The following TSEN2 variants were observed in gnomAD, a reference collection of about 807,000 sequenced individuals.
The protein encoded by TSEN2 is tRNA-splicing endonuclease subunit Sen2.
A neutral mutation model predicts 59.2 loss-of-function variants in TSEN2; 54 were observed. That is an observed-to-expected ratio of 0.91 (90% CI 0.73 to 1.14). The LOEUF (loss-of-function observed/expected upper bound fraction) is 1.14, where lower values mean the gene tolerates loss of function less well. Ranked by LOEUF, TSEN2 falls within the 50% of genes most tolerant of loss-of-function variation. The pLI, the probability that TSEN2 is intolerant of heterozygous loss-of-function variation, is 0.00. For synonymous variants in TSEN2, 195 were observed against 198.2 expected (o/e 0.98, Z 0.14); for missense variants, 636 against 576.2 (o/e 1.10, Z -1.06).
At chr3:12,517,057 C>T (rs904541537) in intron 7 of TSEN2, among the ~76,000 whole-genome samples, 2 of 152,058 alleles carry the variant, frequency 1.3e-5, no homozygotes, top group African/African-American at 2.4e-5. Flanking sequence ...TTAGAATTTG[C>T]AGATAAGGGG....
chr3:12,486,756 C>T (rs114321532), intron 1 of TSEN2, among the ~76,000 whole-genome samples: 1,928 of 152,300 alleles, frequency 0.013, 45 homozygotes, highest in African/African-American at 0.043. Context: ...AACTGGTAAT[C>T]TGTCTCTATG....
chr3:12,526,344 G>A (rs1400199685), intron 8 of TSEN2, among the ~76,000 whole-genome samples: 2 of 152,070 alleles, frequency 1.3e-5, no homozygotes, highest in Admixed American at 1.3e-4. Context: ...AGGTATACGG[G>A]TTTTCTCTTT....
chr3:12,487,013 T>C (rs1045922394), intron 1 of TSEN2, among the ~76,000 whole-genome samples: 9 of 152,252 alleles, frequency 5.9e-5, no homozygotes, highest in African/African-American at 2.2e-4. Context: ...TACAAATTTT[T>C]CCATGAACAT....
intron 7 of TSEN2, among the ~76,000 whole-genome samples, chr3:12,517,617 T>C (rs1346541611): frequency 6.6e-6 from 1 of 152,172 alleles, no homozygotes; most frequent in Non-Finnish European, 1.5e-5. Context: ...GTTTGGCTCT[T>C]GGGAGCACAT....
chr3:12,480,887 G>A (rs543352565), upstream of TSEN2, among the ~76,000 whole-genome samples: 14 of 152,236 alleles, frequency 9.2e-5, no homozygotes, highest in African/African-American at 2.9e-4. Flanking sequence ...CAGATTAAAA[G>A]AGCATAAGCC....
At chr3:12,524,275 T>C (rs2056902059) in intron 8 of TSEN2, among the ~76,000 whole-genome samples, 1 of 152,234 alleles carries the variant, frequency 6.6e-6, no homozygotes, top group Admixed American at 6.5e-5. Context: ...TTATTATATC[T>C]ACCTTTTAGT....
At chr3:12,529,514 T>C (rs1398565216) in intron 9 of TSEN2, among the ~76,000 whole-genome samples, 1 of 152,054 alleles carries the variant, frequency 6.6e-6, no homozygotes, top group Admixed American at 6.5e-5. Context: ...TAAACAGTTG[T>C]GTGAATTTAC....
At chr3:12,519,287 A>G (rs1575412762) in intron 8 of TSEN2, 90 bp downstream of exon 8, 10 of 1,543,740 alleles carry the variant, frequency 6.5e-6, no homozygotes, top group Non-Finnish European at 9.0e-6. Context: ...GCTGTTGATG[A>G]TGTTTTCTAA....
chr3:12,530,846 C>A (rs954767788), intron 10 of TSEN2: 1 of 768,204 alleles, frequency 1.3e-6, no homozygotes. Context: ...TTCTTCTCAT[C>A]ATTTCAAGAA....
At chr3:12,516,444 A>ATG (rs1289799497) in intron 6 of TSEN2, among the ~76,000 whole-genome samples, 167 bp from the exon 7 acceptor site, 18 of 51,630 alleles carry the variant, frequency 3.5e-4, no homozygotes, top group African/African-American at 1.1e-3. Flanking sequence ...CAAACAAAAT[A>ATG]TATGTGTGTG....
Position 12,519,061 on chromosome 3 carries a change from G to A in TSEN2, c.963G>A (p.Glu321=), listed in dbSNP as rs17036879. 0.017 allele frequency: 27,438 copies of A among 1,614,074 alleles called. 463 individuals are homozygous for A. The highest frequency in any genetic ancestry group is 0.055 in the South Asian group (5,048 of 91,080). Residue 321 remains glutamate (E), a splice_region_variant and synonymous_variant, in exon 8 of 12, where the codon GAG becomes GAA. Coordinates refer to ENST00000284995, the MANE Select transcript of TSEN2 (RefSeq NM_025265.4). ...TGTTTTTTTGTAAATAACTTTAGGA[G>A]CCTTTAACGATAGTGAAGCTCTGGA... The part of the protein sequence containing the change: ...LGCLSIYYEK[E]PLTIVKLWKA...
chr3:12,490,445 G>T (rs918072277), intron 2 of TSEN2, among the ~76,000 whole-genome samples: 3 of 152,144 alleles, frequency 2.0e-5, no homozygotes, highest in Non-Finnish European at 4.4e-5. Context: ...CTCCTTATCT[G>T]CTGCCTCCTG....
chr3:12,494,720 G>A (rs1249816725), intron 3 of TSEN2, among the ~76,000 whole-genome samples: 1 of 148,060 alleles, frequency 6.8e-6, no homozygotes, highest in Non-Finnish European at 1.5e-5. Context: ...TAAATGGAAG[G>A]ATAAAGCATA....
chr3:12,493,726 CTAAA>C (rs1182634199), intron 3 of TSEN2, among the ~76,000 whole-genome samples: 3 of 151,642 alleles, frequency 2.0e-5, no homozygotes, highest in Admixed American at 6.6e-5. Context: ...GACTCCGTTT[CTAAA>C]TAAATAAATA....
chr3:12,480,528 G>GTTTTTTTTTTTTTTT (rs752340308), upstream of TSEN2, among the ~76,000 whole-genome samples: 39 of 91,736 alleles, frequency 4.3e-4, no homozygotes, highest in Non-Finnish European at 4.8e-4. Context: ...TTGTTTCTTT[G>GTTTTTTTTTTTTTTT]TTTTTTTTTT....
At chr3:12,523,075 C>A (rs1003848572) in intron 8 of TSEN2, among the ~76,000 whole-genome samples, 1 of 152,108 alleles carries the variant, frequency 6.6e-6, no homozygotes, top group African/African-American at 2.4e-5. Flanking sequence ...CTTAACAGCT[C>A]GTTAAGTACA....
chr3:12,509,283 G>A (rs868650542), intron 6 of TSEN2, among the ~76,000 whole-genome samples: 22 of 151,066 alleles, frequency 1.5e-4, no homozygotes, highest in African/African-American at 5.1e-4. Flanking sequence ...ACACTGCAAC[G>A]TCTGCCTCCC....
Position 12,503,626 on chromosome 3 carries a change from C to G in TSEN2, c.673C>G (p.Gln225Glu). The G allele has an allele frequency of 6.3e-7, 1 of 1,595,378 alleles. No homozygotes were observed. The highest frequency in any genetic ancestry group is 8.5e-7 in the Non-Finnish European group (1 of 1,170,064). The change falls in exon 5 of 12, where the codon CAA becomes GAA. Residue 225 changes from glutamine to glutamate, a missense_variant. Coordinates refer to ENST00000284995, the MANE Select transcript of TSEN2 (RefSeq NM_025265.4). ...TCTGCCCCATGTCTGTTGCTGCAAACAAGATGCTCTCATCCTCCAGCGTGG... is the reference window on the plus strand; with the variant it reads ...TCTGCCCCATGTCTGTTGCTGCAAAGAAGATGCTCTCATCCTCCAGCGTGG... The part of the protein sequence containing the change: ...SPLPHVCCCK[Q>E]DALILQRGLH...
At position 12,532,330 on chromosome 3, in the gene TSEN2, G is replaced by A. The variant is rs566277255; in HGVS notation, c.1339-332G>A. ...CTCATTTCTCCCTTCTCAGTAGCTGGCCCCGTTACAGCAATGCCATCACAG... is the reference window on the plus strand; with the variant it reads ...CTCATTTCTCCCTTCTCAGTAGCTGACCCCGTTACAGCAATGCCATCACAG... On this transcript the variant is annotated intron_variant, in intron 11 of 11. Coordinates refer to ENST00000284995, the MANE Select transcript of TSEN2 (RefSeq NM_025265.4). Among the ~76,000 whole-genome samples, 16 of 152,192 alleles carry A rather than the reference G, an allele frequency of 1.1e-4. No homozygotes were observed. The East Asian group carries it at 2.9e-3, about 28-fold the overall frequency.
Sources: allele counts gnomAD v4.1 joint callset (sites outside exome capture counted in the v4.1 genomes callset), GRCh38; gene constraint gnomAD v4.1.1; transcripts MANE v1.5; gene names NCBI Gene and HGNC (gene_info 2026-07-23, HGNC 2026-07-21).